BAD: variants seen among roughly 807,000 people sequenced by gnomAD.
The protein encoded by BAD is bcl2-associated agonist of cell death.
BAD carries 18 observed loss-of-function variants against 17.8 expected under a neutral mutation model. The observed-to-expected ratio is 1.01, with a 90% confidence interval of 0.70 to 1.50. The LOEUF (loss-of-function observed/expected upper bound fraction) is 1.50. BAD is among the 40% of genes most tolerant of loss of function. The pLI is 0.00. For missense variants in BAD, 294 were observed against 239.3 expected (o/e 1.23, Z -1.51); for synonymous variants, 112 against 91.5 (o/e 1.22, Z -1.28).
Position 64,270,209 on chromosome 11 carries a change from T to G in BAD, c.507A>C (p.Ter169CysextTer44). The G allele has an allele frequency of 6.2e-7, 1 of 1,613,644 alleles. No individual in the cohort carries two copies. The highest frequency in any genetic ancestry group is 8.5e-7 in the Non-Finnish European group (1 of 1,179,768). ...LGRGSSAPSQ[*>C] ...GGAGTTTCGGGATGTGGAGCGAAGG[T>G]CACTGGGAGGGGGCGGAGCTTCCCC... The change falls in exon 4 of 4, where the codon TGA becomes TGC. Residue 169 changes from the stop codon to cysteine (C), a stop_lost. Transcript: ENST00000309032.
rs1226708112 is a variant in BAD at position 64,273,744 on chromosome 11, C to T, written c.188-1941G>A. The stretch of plus-strand genomic sequence containing the variant: ...AAAATACAAAAAAATTAGCCAGGCG[C>T]GGTGGCAGGCACCTGTAATCCCAGC... On this transcript the variant is annotated intron_variant, in intron 2 of 3. Coordinates refer to ENST00000309032, the MANE Select transcript of BAD (RefSeq NM_032989.3). Among the ~76,000 whole-genome samples the T allele has an allele frequency of 5.4e-5, 8 of 147,582 alleles. No homozygotes were observed. The East Asian group carries it at 8.3e-4, about 15-fold the overall frequency.
intron 3 of BAD, 80 bp downstream of exon 3, chr11:64,271,533 G>T: frequency 6.0e-6 from 8 of 1,326,750 alleles, no homozygotes; most frequent in Non-Finnish European, 6.8e-6. Flanking sequence ...ATCCGGGCGT[G>T]CCTTGGGACA....
At chr11:64,273,375 AT>A (rs2032785507) in intron 2 of BAD, among the ~76,000 whole-genome samples, 1 of 152,020 alleles carries the variant, frequency 6.6e-6, no homozygotes, top group Admixed American at 6.5e-5. Flanking sequence ...TCTGTCTCAA[AT>A]AATAATAATA....
At chr11:64,271,825 G>A (rs780752598) in intron 2 of BAD, 22 bp from the exon 3 acceptor site, 2 of 1,371,618 alleles carry the variant, frequency 1.5e-6, no homozygotes, top group South Asian at 3.6e-5. Flanking sequence ...CAGTGGGTAG[G>A]GGGGCGACGT....
intron 2 of BAD, among the ~76,000 whole-genome samples, chr11:64,283,074 GA>G (rs1475100729): frequency 5.3e-5 from 8 of 151,900 alleles, no homozygotes; most frequent in African/African-American, 2.4e-5. Context: ...AAAACAAACA[GA>G]AAAAAAGAAA....
intron 3 of BAD, 146 bp from the exon 4 acceptor site, chr11:64,270,483 C>G: frequency 3.4e-6 from 4 of 1,174,778 alleles, no homozygotes; most frequent in Non-Finnish European, 4.7e-6. Context: ...GCCGGGCGGT[C>G]AGGGACGCTC....
chr11:64,280,558 A>C (rs1166048824), intron 2 of BAD, among the ~76,000 whole-genome samples: 1 of 149,492 alleles, frequency 6.7e-6, no homozygotes, highest in Non-Finnish European at 1.5e-5. Flanking sequence ...TCACCGTGTT[A>C]GCCAGGATGG....
chr11:64,271,676 C>G lies in BAD; in HGVS notation c.315G>C (p.Trp105Cys). 1 of 1,501,602 alleles carries G rather than the reference C, an allele frequency of 6.7e-7. No homozygotes were observed. The highest frequency in any genetic ancestry group is 1.3e-5 in the South Asian group (1 of 79,362). The allele number at this position is 1,501,602 out of a possible 1,614,324, so 93.0% of individuals were successfully genotyped here. A position where few individuals can be genotyped will look rare whatever the true frequency, so the allele number is the denominator to read the frequency against. ...GCTCGCGGCCATAGCGCTGTGCTGCCCAGAGGTTGGGGGGCGCCGAGCGCG... is the reference window on the plus strand; with the variant it reads ...GCTCGCGGCCATAGCGCTGTGCTGCGCAGAGGTTGGGGGGCGCCGAGCGCG... ...GRSRSAPPNL[W>C]AAQRYGRELR... Residue 105 changes from tryptophan (W) to cysteine (C), a missense_variant, in exon 3 of 4, where the codon TGG (tryptophan) becomes TGC (cysteine). Transcript: ENST00000309032.
chr11:64,283,045 C>T (rs2033594161), intron 2 of BAD, among the ~76,000 whole-genome samples: 1 of 152,092 alleles, frequency 6.6e-6, no homozygotes, highest in South Asian at 2.1e-4. Context: ...TAGAGCGAGA[C>T]CCTGTCTCAA....
intron 2 of BAD, among the ~76,000 whole-genome samples, chr11:64,272,405 T>C (rs1022429548): frequency 6.6e-6 from 1 of 151,910 alleles, no homozygotes; most frequent in African/African-American, 2.4e-5. Context: ...TATTTCATAG[T>C]GTCTGTTCTA....
chr11:64,270,431 G>A (rs1163958681), intron 3 of BAD, 94 bp from the exon 4 acceptor site: 6 of 1,427,400 alleles, frequency 4.2e-6, no homozygotes, highest in African/African-American at 1.4e-5. Flanking sequence ...AAGTGAGATC[G>A]GGGGGGAGAT....
At chr11:64,271,828 G>C in intron 2 of BAD, 25 bp from the exon 3 acceptor site, 3 of 1,366,960 alleles carry the variant, frequency 2.2e-6, no homozygotes, top group Non-Finnish European at 2.8e-6. Context: ...TGGGTAGGGG[G>C]GCGACGTTAA....
intron 2 of BAD, among the ~76,000 whole-genome samples, chr11:64,278,373 ATT>A (rs2033207418): frequency 6.7e-6 from 1 of 148,568 alleles, no homozygotes; most frequent in Admixed American, 6.7e-5. Flanking sequence ...GGAAAAAAAA[ATT>A]ATATATATAT....
At chr11:64,270,599 G>A in intron 3 of BAD, 1 of 684,376 alleles carries the variant, frequency 1.5e-6, no homozygotes, top group Non-Finnish European at 2.7e-6. Context: ...AAAGGCCAGA[G>A]CTGGAGACCT....
At chr11:64,281,765 G>A (rs2033490524) in intron 2 of BAD, among the ~76,000 whole-genome samples, 1 of 152,164 alleles carries the variant, frequency 6.6e-6, no homozygotes, top group African/African-American at 2.4e-5. Context: ...TCTGTCGCCA[G>A]GCTGGAGTGC....
chr11:64,284,581 C>T (rs2033727229), intron 1 of BAD, 50 bp downstream of exon 1: 2 of 1,494,326 alleles, frequency 1.3e-6, no homozygotes, highest in Admixed American at 2.1e-5. Flanking sequence ...CTCAGAACCC[C>T]GGTGGACCCA....
At chr11:64,271,582 A>G in intron 3 of BAD, 31 bp downstream of exon 3, 2 of 1,394,844 alleles carry the variant, frequency 1.4e-6, no homozygotes, top group Non-Finnish European at 1.9e-6. Context: ...CTGGTACTTC[A>G]GGTCCTGGCA....
rs1365587927 is a variant in BAD at position 64,284,253 on chromosome 11, CGAT to C, written c.113_115del (p.His38del). ...GTCCCACAGGAGGCCTGGGGCCTGG[CGAT>C]GATGCTTGCCGGAGCCTGAGGGCCC... On this transcript the variant is annotated inframe_deletion, in exon 2 of 4. Coordinates refer to ENST00000309032, the MANE Select transcript of BAD (RefSeq NM_032989.3). The C allele has an allele frequency of 3.1e-6, 5 of 1,610,904 alleles. No individual in the cohort carries two copies. The highest frequency in any genetic ancestry group is 2.7e-5 in the African/African-American group (2 of 74,872).
intron 2 of BAD, among the ~76,000 whole-genome samples, chr11:64,280,587 G>A (rs1383934585): frequency 2.0e-5 from 3 of 150,826 alleles, no homozygotes; most frequent in Non-Finnish European, 3.0e-5. Flanking sequence ...TCCTGACCTC[G>A]TGATCCGCCC....
Sources: gnomAD v4.1 joint callset for allele counts (sites outside exome capture counted in the v4.1 genomes callset) on GRCh38, gnomAD v4.1.1 for gene constraint, MANE v1.5 for transcripts, NCBI Gene and HGNC (gene_info 2026-07-23, HGNC 2026-07-21) for gene names.